R3HCC1L: variants seen among roughly 807,000 people sequenced by gnomAD.
The protein encoded by R3HCC1L is R3H domain and coiled-coil containing 1 like, also known as coiled-coil domain-containing protein R3HCC1L.
A neutral mutation model predicts 59.9 loss-of-function variants in R3HCC1L; 51 were observed. The observed-to-expected ratio is 0.85, with a 90% CI of 0.68 to 1.07. The LOEUF is 1.07. R3HCC1L is among the 50% of genes least tolerant of loss of function. The probability of loss-of-function intolerance (pLI) is 0.00; values close to 1 mark genes in which losing one functional copy is unlikely to be tolerated. For synonymous variants in R3HCC1L, 322 were observed against 315.2 expected, an observed-to-expected ratio of 1.02 and a Z score of -0.23; for missense variants, 965 against 933.0, an observed-to-expected ratio of 1.03 and a Z score of -0.45.
At chr10:98,173,259 A>G (rs1295161375) in intron 4 of R3HCC1L, among the ~76,000 whole-genome samples, 1 of 152,170 alleles carries the variant, frequency 6.6e-6, no homozygotes, top group Non-Finnish European at 1.5e-5. Context: ...TTGCAGGAAC[A>G]TTGAGCCTTC....
At chr10:98,165,634 A>G (rs1237593259) in intron 4 of R3HCC1L, among the ~76,000 whole-genome samples, 1 of 152,240 alleles carries the variant, frequency 6.6e-6, no homozygotes, top group African/African-American at 2.4e-5. Context: ...GTGGAATTTA[A>G]TGTGGGCAAG....
intron 4 of R3HCC1L, among the ~76,000 whole-genome samples, chr10:98,192,387 AATAAAATTG>A (rs1484045946): frequency 2.0e-5 from 3 of 152,176 alleles, no homozygotes; most frequent in Non-Finnish European, 4.4e-5. Flanking sequence ...TCATAAGATC[AATAAAATTG>A]ACAAACCCTT....
At chr10:98,160,266 G>A (rs992145046) in intron 2 of R3HCC1L, among the ~76,000 whole-genome samples, 3 of 152,172 alleles carry the variant, frequency 2.0e-5, no homozygotes, top group African/African-American at 7.2e-5. Flanking sequence ...CTAAATCTGT[G>A]CTGTGTAATA....
intron 5 of R3HCC1L, among the ~76,000 whole-genome samples, chr10:98,223,435 C>T (rs1855290647): frequency 6.6e-6 from 1 of 151,204 alleles, no homozygotes. Context: ...TGTTATGTTT[C>T]CTTGCTTTTT....
intron 7 of R3HCC1L, among the ~76,000 whole-genome samples, chr10:98,234,975 A>C (rs1856763549): frequency 6.6e-6 from 1 of 152,196 alleles, no homozygotes; most frequent in South Asian, 2.1e-4. Flanking sequence ...AGGCATTCAA[A>C]GAAAATAGAG....
At chr10:98,231,102 G>C (rs960180444) in intron 5 of R3HCC1L, 57 of 386,152 alleles carry the variant, frequency 1.5e-4, no homozygotes, top group African/African-American at 1.1e-3. Context: ...TTCACTTCCA[G>C]AAAAGAAACT....
chr10:98,167,188 C>T (rs1375197114), intron 4 of R3HCC1L, among the ~76,000 whole-genome samples: 1 of 151,980 alleles, frequency 6.6e-6, no homozygotes, highest in Non-Finnish European at 1.5e-5. Flanking sequence ...CCTTCTGTAG[C>T]CCTGTGTACA....
chr10:98,185,153 G>A (rs1231925518), intron 4 of R3HCC1L, among the ~76,000 whole-genome samples: 1 of 152,018 alleles, frequency 6.6e-6, no homozygotes, highest in African/African-American at 2.4e-5. Context: ...ATTTTTGATG[G>A]TTAAAGTATC....
chr10:98,219,452 T>A (rs1026156737), intron 5 of R3HCC1L, among the ~76,000 whole-genome samples: 8 of 152,212 alleles, frequency 5.3e-5, no homozygotes, highest in African/African-American at 1.9e-4. Flanking sequence ...TGGTTCCTTA[T>A]TGATAGGTAA....
chr10:98,207,298 T>A (rs974574003), intron 4 of R3HCC1L, among the ~76,000 whole-genome samples: 6 of 152,224 alleles, frequency 3.9e-5, no homozygotes, highest in African/African-American at 1.4e-4. Context: ...GCACATTTTC[T>A]TGTATTTTAG....
At position 98,231,546 on chromosome 10, in the gene R3HCC1L, A is replaced by G. The variant is rs1349028986; in HGVS notation, c.1820A>G (p.Gln607Arg). Residue 607 changes from glutamine (Q) to arginine (R), a missense_variant, in exon 6 of 10, where the codon CAG becomes CGG. Transcript: ENST00000298999. Reference sequence around the variant, plus strand: ...AATACCAAGAGCAGAGAGAGCATCCAGGAACCTAGATCTGATTACTACAAT... The same window carrying G: ...AATACCAAGAGCAGAGAGAGCATCCGGGAACCTAGATCTGATTACTACAAT... ...SGNTKSRESI[Q>R]EPRSDYYNHE... is the part of the protein sequence containing the mutation. 6.8e-6 allele frequency: 11 copies of G among 1,613,042 alleles called. No individual in the cohort carries two copies. Among genetic ancestry groups the G allele is most frequent in the Non-Finnish European group, 8.5e-6 (10 of 1,179,684 alleles).
At chr10:98,161,207 A>G (rs937229110) in intron 2 of R3HCC1L, among the ~76,000 whole-genome samples, 2 of 152,122 alleles carry the variant, frequency 1.3e-5, no homozygotes, top group Middle Eastern at 3.2e-3. Flanking sequence ...ATACTTTTTA[A>G]TTTTTGCTAA....
rs79772855 is a variant in R3HCC1L, at chr10:98,227,593, T to A, written c.1786-3919T>A. On this transcript the variant is annotated intron_variant, in intron 5 of 9. Transcript: ENST00000298999. ...CAGTGTGTGTTTTTTTTTTTTTTTT[T>A]AATTATACTTTAAGTTCTAGGGTAC... 1.3e-4 allele frequency among the ~76,000 whole-genome samples: 17 copies of A among 131,572 alleles called. 1 individual carries two copies. The highest frequency in any genetic ancestry group is 3.3e-4 in the African/African-American group (12 of 35,868). 86.3% of individuals were successfully genotyped at this position (131,572 alleles called of 152,430 possible).
intron 4 of R3HCC1L, among the ~76,000 whole-genome samples, chr10:98,184,021 A>G (rs768858945): frequency 7.6e-6 from 1 of 132,394 alleles, no homozygotes; most frequent in Non-Finnish European, 1.6e-5. Flanking sequence ...AATGGTATTT[A>G]TGCCTGGAAA....
chr10:98,141,527 A>G (rs1013401001), intron 1 of R3HCC1L, among the ~76,000 whole-genome samples: 2 of 152,186 alleles, frequency 1.3e-5, no homozygotes, highest in African/African-American at 4.8e-5. Context: ...GTGTAAAACA[A>G]CCATTTTATT....
chr10:98,135,744 T>G (rs1326650780), intron 1 of R3HCC1L, among the ~76,000 whole-genome samples: 2 of 152,186 alleles, frequency 1.3e-5, no homozygotes, highest in African/African-American at 4.8e-5. Context: ...AGACTCTTCT[T>G]CCTCAGCACA....
At chr10:98,206,698 A>G (rs17451447) in intron 4 of R3HCC1L, among the ~76,000 whole-genome samples, 4,595 of 152,122 alleles carry the variant, frequency 0.03, 86 homozygotes, top group South Asian at 0.057. Context: ...GTTCATTATG[A>G]TATATTTTGT....
At chr10:98,231,413 C>A in intron 5 of R3HCC1L, 99 bp from the exon 6 acceptor site, 7 of 1,110,624 alleles carry the variant, frequency 6.3e-6, no homozygotes, top group Non-Finnish European at 5.2e-6. Flanking sequence ...GGAATGGGAA[C>A]ATGTAGAGAA....
chr10:98,184,201 GTCT>G (rs1849985550), intron 4 of R3HCC1L, among the ~76,000 whole-genome samples: 1 of 151,984 alleles, frequency 6.6e-6, no homozygotes, highest in Non-Finnish European at 1.5e-5. Context: ...TTTTCTTAAT[GTCT>G]ACCCTCAGCT....
Sources: gnomAD v4.1 joint callset for allele counts (sites outside exome capture counted in the v4.1 genomes callset) on GRCh38, gnomAD v4.1.1 for gene constraint, MANE v1.5 for transcripts, NCBI Gene and HGNC (gene_info 2026-07-23, HGNC 2026-07-21) for gene names.